The following NRXN1 variants were observed in gnomAD, a reference collection of about 807,000 sequenced individuals.
NRXN1 encodes the protein neurexin-1.
A neutral mutation model predicts 150.9 loss-of-function variants in NRXN1; 39 were observed. The observed-to-expected ratio is 0.26, with a 90% CI of 0.20 to 0.34. The LOEUF is 0.34. Among genes scored for constraint, NRXN1 ranks in the 10% least tolerant of loss-of-function variants. NRXN1 has a pLI of 1.00. For missense variants in NRXN1, 1,815 were observed against 1,949.9 expected (o/e 0.93, Z 1.30); for synonymous variants, 924 against 757.0 (o/e 1.22, Z -3.62).
At chr2:50,647,267 A>G (rs1573953144) in intron 5 of NRXN1, among the ~76,000 whole-genome samples, 2 of 152,064 alleles carry the variant, frequency 1.3e-5, no homozygotes, top group East Asian at 1.9e-4. Context: ...TGAGGGCCTC[A>G]TATTTTCTTG....
chr2:50,172,199 G>A (rs868276644), intron 18 of NRXN1, among the ~76,000 whole-genome samples: 27 of 151,974 alleles, frequency 1.8e-4, no homozygotes, highest in Admixed American at 6.6e-4. Context: ...CATTTTTGGT[G>A]GTATTGTCTT....
intron 17 of NRXN1, among the ~76,000 whole-genome samples, chr2:50,305,182 A>C (rs1476443237): frequency 6.6e-6 from 1 of 152,218 alleles, no homozygotes; most frequent in East Asian, 1.9e-4. Flanking sequence ...AAACAAGTGA[A>C]GACTTTTAAA....
intron 19 of NRXN1, among the ~76,000 whole-genome samples, chr2:50,065,529 G>T (rs1695226938): frequency 6.6e-6 from 1 of 152,084 alleles, no homozygotes; most frequent in Non-Finnish European, 1.5e-5. Context: ...CATGAAATCA[G>T]TAATCTTCCC....
chr2:50,715,309 G>C (rs1192507726), intron 5 of NRXN1, among the ~76,000 whole-genome samples: 1 of 152,146 alleles, frequency 6.6e-6, no homozygotes, highest in Non-Finnish European at 1.5e-5. Flanking sequence ...GTTATCCCTG[G>C]ATCCACATCT....
intron 21 of NRXN1, among the ~76,000 whole-genome samples, chr2:50,036,067 C>G (rs906240942): frequency 6.6e-6 from 1 of 152,078 alleles, no homozygotes; most frequent in African/African-American, 2.4e-5. Flanking sequence ...ATAGAAATAG[C>G]CAGTATGATA....
chr2:50,006,822 T>C (rs374660704), intron 21 of NRXN1, among the ~76,000 whole-genome samples: 1 of 152,158 alleles, frequency 6.6e-6, no homozygotes, highest in Non-Finnish European at 1.5e-5. Context: ...AATCATGTTT[T>C]GTTTACTTCT....
chr2:50,547,075 T>C lies in NRXN1; in HGVS notation c.1759+5512A>G, dbSNP rs181459450. Among the ~76,000 whole-genome samples the C allele has an allele frequency of 2.6e-3, 390 of 152,310 alleles. 3 individuals are homozygous for C. Among genetic ancestry groups the C allele is most frequent in the African/African-American group, 9.0e-3 (373 of 41,572 alleles). Reference sequence around the variant, plus strand: ...ACAGTGATTACTATAAACCTCTAATTATGTGCTCTTGAGAGAGCCTTGTAC... The same window carrying C: ...ACAGTGATTACTATAAACCTCTAATCATGTGCTCTTGAGAGAGCCTTGTAC... On this transcript the variant is annotated intron_variant, in intron 9 of 22. Coordinates refer to ENST00000401669, the MANE Select transcript of NRXN1 (RefSeq NM_001330078.2).
intron 8 of NRXN1, among the ~76,000 whole-genome samples, chr2:50,610,645 A>ATATATATC (rs1677904508): frequency 1.1e-5 from 1 of 88,872 alleles, no homozygotes; most frequent in African/African-American, 5.9e-5. Flanking sequence ...ATAGATACAT[A>ATATATATC]TATATATATA....
In NRXN1 at chr2:50,645,240, T is replaced by C. The variant is rs373473295; in HGVS notation, c.833-21625A>G. ...TGTTGAAAATCATGTAAAATTCATA[T>C]ATATTCAAAATGTGATTCAAAATAG... On this transcript the variant is annotated intron_variant, in intron 5 of 22. Transcript: ENST00000401669. Among the ~76,000 whole-genome samples, 20 of 151,906 alleles carry C rather than the reference T, an allele frequency of 1.3e-4. No individual in the cohort carries two copies. In the East Asian group the frequency reaches 1.5e-3, roughly 12 times the overall value.
intron 21 of NRXN1, among the ~76,000 whole-genome samples, chr2:50,046,057 A>G (rs1261939953): frequency 6.6e-6 from 1 of 152,200 alleles, no homozygotes; most frequent in African/African-American, 2.4e-5. Context: ...TCACACCATG[A>G]ATTACCTTCT....
chr2:50,800,060 G>A (rs776060534), intron 5 of NRXN1, among the ~76,000 whole-genome samples: 38 of 152,142 alleles, frequency 2.5e-4, no homozygotes, highest in African/African-American at 8.9e-4. Context: ...CTGTAGTTAT[G>A]CAAAAAGCCA....
At chr2:50,343,937 A>G (rs2077737657) in intron 17 of NRXN1, among the ~76,000 whole-genome samples, 1 of 152,234 alleles carries the variant, frequency 6.6e-6, no homozygotes, top group Admixed American at 6.5e-5. Context: ...ATAAATTTGC[A>G]ATAGTCTCAG....
chr2:50,022,916 A>G (rs1687781479), intron 21 of NRXN1: 1 of 152,284 alleles, frequency 6.6e-6, no homozygotes, highest in Middle Eastern at 3.4e-3. Flanking sequence ...GGAAGACTGA[A>G]TTCTATCCTT....
rs537348870 is a variant in NRXN1, at chr2:50,136,196, G to A, written c.3547-44702C>T. On this transcript the variant is annotated intron_variant, in intron 18 of 22. Coordinates refer to ENST00000401669, the MANE Select transcript of NRXN1 (RefSeq NM_001330078.2). ...GGAAATTATTATGCAGCTGTAGAGG[G>A]AGAGCATATTCATTTTTTTTCAGGA... 5.8e-4 allele frequency among the ~76,000 whole-genome samples: 88 copies of A among 152,276 alleles called. 2 individuals are homozygous for A. The highest frequency in any genetic ancestry group is 5.1e-3 in the Admixed American group (78 of 15,292).
At chr2:50,098,107 A>G (rs1700480440) in intron 18 of NRXN1, among the ~76,000 whole-genome samples, 1 of 152,184 alleles carries the variant, frequency 6.6e-6, no homozygotes, top group South Asian at 2.1e-4. Context: ...CAACACCACC[A>G]CATCAAAAAC....
At chr2:50,978,712 C>T (rs958313353) in intron 2 of NRXN1, among the ~76,000 whole-genome samples, 16 of 151,862 alleles carry the variant, frequency 1.1e-4, no homozygotes, top group Admixed American at 8.6e-4. Context: ...TAAAGGAGCA[C>T]GTCTATTTGA....
intron 5 of NRXN1, among the ~76,000 whole-genome samples, chr2:50,662,688 G>C (rs770375249): frequency 2.0e-5 from 3 of 151,954 alleles, no homozygotes; most frequent in South Asian, 2.1e-4. Context: ...GAAGCCAAAA[G>C]ATTGGGAATC....
chr2:50,329,673 ATTTTTT>A (rs749453098), intron 17 of NRXN1, among the ~76,000 whole-genome samples: 2 of 28,810 alleles, frequency 6.9e-5, no homozygotes, highest in Non-Finnish European at 1.1e-4. Context: ...ATATATATAT[ATTTTTT>A]TTTTTCCCCC....
chr2:51,004,070 A>G (rs200868698), intron 2 of NRXN1, among the ~76,000 whole-genome samples: 38 of 98,764 alleles, frequency 3.8e-4, no homozygotes, highest in Admixed American at 2.3e-3. Flanking sequence ...GTGGTGGGGG[A>G]AAAAAAAAAA....
Sources: allele counts gnomAD v4.1 joint callset (sites outside exome capture counted in the v4.1 genomes callset), GRCh38; gene constraint gnomAD v4.1.1; transcripts MANE v1.5; gene names NCBI Gene and HGNC (gene_info 2026-07-23, HGNC 2026-07-21).